ADAM19: variants seen among roughly 807,000 people sequenced by gnomAD.
The protein encoded by ADAM19 is disintegrin and metalloproteinase domain-containing protein 19.
A neutral mutation model predicts 114.7 loss-of-function variants in ADAM19; 65 were observed. That is an observed-to-expected ratio of 0.57 (90% confidence interval 0.46 to 0.70). The LOEUF (loss-of-function observed/expected upper bound fraction) is 0.70, where lower values mean the gene tolerates loss of function less well. ADAM19 is among the 30% of genes least tolerant of loss of function. The probability of loss-of-function intolerance (pLI) is 0.00; values close to 1 mark genes in which losing one functional copy is unlikely to be tolerated. For synonymous variants in ADAM19, 466 were observed against 460.5 expected, an observed-to-expected ratio of 1.01 and a Z score of -0.15; for missense variants, 1,063 against 1,204.7, an observed-to-expected ratio of 0.88 and a Z score of 1.74.
At chr5:157,571,607 G>A (rs1757829709) in intron 1 of ADAM19, among the ~76,000 whole-genome samples, 1 of 152,154 alleles carries the variant, frequency 6.6e-6, no homozygotes, top group Admixed American at 6.5e-5. Flanking sequence ...AGAGCAATAT[G>A]ATCTGTGTTA....
At chr5:157,564,928 T>G (rs996056738) in intron 2 of ADAM19, among the ~76,000 whole-genome samples, 1 of 152,170 alleles carries the variant, frequency 6.6e-6, no homozygotes, top group Non-Finnish European at 1.5e-5. Flanking sequence ...TGTATCACAG[T>G]GCCTGGCACA....
At chr5:157,506,677 T>C (rs1755751260) in intron 10 of ADAM19, among the ~76,000 whole-genome samples, 1 of 152,242 alleles carries the variant, frequency 6.6e-6, no homozygotes, top group South Asian at 2.1e-4. Flanking sequence ...TTCCTAACCA[T>C]GACTTTGAGA....
At chr5:157,527,014 A>C (rs991956644) in intron 5 of ADAM19, among the ~76,000 whole-genome samples, 1 of 152,168 alleles carries the variant, frequency 6.6e-6, no homozygotes, top group Non-Finnish European at 1.5e-5. Context: ...TTCCTATATT[A>C]GTCCGTTTTC....
intron 3 of ADAM19, among the ~76,000 whole-genome samples, chr5:157,561,539 C>G (rs1175337410): frequency 2.0e-5 from 3 of 152,188 alleles, no homozygotes; most frequent in Non-Finnish European, 4.4e-5. Context: ...GGGAAATGTA[C>G]AGAGGGAGAG....
At chr5:157,496,773 G>C (rs775731029) in intron 14 of ADAM19, 121 bp downstream of exon 14, 24 of 815,500 alleles carry the variant, frequency 2.9e-5, no homozygotes, top group Non-Finnish European at 4.2e-5. Flanking sequence ...TCAAGGGGAT[G>C]AAAGAGGTAG....
Position 157,491,677 on chromosome 5 carries a change from G to A in ADAM19, c.2033C>T (p.Pro678Leu), listed in dbSNP as rs1755165590. ...GTGGCCCGGTGTGTTGCAGAAGGGC[G>A]GGGCCCAGCCCGGCAGGCAGTGGCA... ...QNCHCLPGWAPPFCNTPGHGG... is the reference protein window; with the variant it reads ...QNCHCLPGWALPFCNTPGHGG... The change falls in exon 18 of 23, where the codon CCG (proline) becomes CTG (leucine). Residue 678 changes from proline (P) to leucine (L), a missense_variant. Physicochemically the swap from Pro to Leu is moderately conservative, Grantham distance 98 (BLOSUM62 -3). Around this residue, in one of 3 missense-constraint regions of ADAM19, gnomAD observed 424 missense variants for 445.5 expected, o/e 0.95. Coordinates refer to ENST00000257527, the MANE Select transcript of ADAM19 (RefSeq NM_033274.5). 5.7e-6 allele frequency: 9 copies of A among 1,578,960 alleles called. No homozygotes were observed. The highest frequency in any genetic ancestry group is 2.2e-5 in the East Asian group (1 of 44,488).
rs1252193734 is a variant in ADAM19 at position 157,499,596 on chromosome 5, C to T, written c.1375G>A (p.Gly459Ser). 6 of 1,613,384 alleles carry T rather than the reference C, an allele frequency of 3.7e-6. No individual in the cohort carries two copies. The highest frequency in any genetic ancestry group is 1.1e-5 in the South Asian group (1 of 90,972). ...TLRPGAECAH[G>S]SCCHQCKLLA... Reference sequence around the variant, plus strand: ...ACCTTACACTGGTGGCAGCAGGAGCCGTGAGCACACTCCGCCCCCGGCCTC... The same window carrying T: ...ACCTTACACTGGTGGCAGCAGGAGCTGTGAGCACACTCCGCCCCCGGCCTC... Residue 459 changes from glycine (G) to serine (S), a missense_variant, in exon 13 of 23, where the codon GGC becomes AGC. Physicochemically the swap from Gly to Ser is moderately conservative, Grantham distance 56. Coordinates refer to ENST00000257527, the MANE Select transcript of ADAM19 (RefSeq NM_033274.5).
intron 8 of ADAM19, among the ~76,000 whole-genome samples, chr5:157,510,216 T>C (rs1383728271): frequency 1.3e-5 from 2 of 152,254 alleles, no homozygotes; most frequent in Non-Finnish European, 1.5e-5. Context: ...GGCTCACACC[T>C]GTAATCCCAG....
chr5:157,522,184 C>G (rs1372864594), intron 5 of ADAM19, among the ~76,000 whole-genome samples: 3 of 152,208 alleles, frequency 2.0e-5, no homozygotes, highest in Non-Finnish European at 4.4e-5. Context: ...TTCCTAGGAT[C>G]CTTACAAATA....
chr5:157,515,284 T>C (rs530658930), intron 7 of ADAM19, among the ~76,000 whole-genome samples: 27 of 152,348 alleles, frequency 1.8e-4, no homozygotes, highest in African/African-American at 6.5e-4. Context: ...AGCATTTCCA[T>C]TCATTTAGTA....
intron 2 of ADAM19, chr5:157,569,059 AG>A (rs1757748837): frequency 6.6e-6 from 1 of 152,186 alleles, no homozygotes; most frequent in Admixed American, 6.6e-5. Context: ...GGGTATGAAT[AG>A]GTTGCAATAC....
intron 1 of ADAM19, among the ~76,000 whole-genome samples, chr5:157,572,624 C>G (rs1279686401): frequency 6.6e-6 from 1 of 152,210 alleles, no homozygotes; most frequent in Non-Finnish European, 1.5e-5. Flanking sequence ...ATTGGACCAA[C>G]ACCAATTCAT....
chr5:157,481,611 G>A, intron 22 of ADAM19, 180 bp downstream of exon 22: 1 of 1,541,130 alleles, frequency 6.5e-7, no homozygotes, highest in Non-Finnish European at 8.8e-7. Flanking sequence ...TTCACATGAA[G>A]CCAAAACTCC....
chr5:157,548,114 G>A (rs952308926), intron 3 of ADAM19, among the ~76,000 whole-genome samples: 2 of 152,018 alleles, frequency 1.3e-5, no homozygotes, highest in African/African-American at 2.4e-5. Context: ...CCTATTGTAT[G>A]AGCCAACTCT....
chr5:157,527,014 A>G (rs991956644), intron 5 of ADAM19, among the ~76,000 whole-genome samples: 26 of 152,168 alleles, frequency 1.7e-4, no homozygotes, highest in African/African-American at 6.3e-4. Context: ...TTCCTATATT[A>G]GTCCGTTTTC....
At chr5:157,565,717 A>AC (rs976310561) in intron 2 of ADAM19, among the ~76,000 whole-genome samples, 7 of 151,382 alleles carry the variant, frequency 4.6e-5, no homozygotes, top group African/African-American at 1.7e-4. Context: ...TCTCAAAAAA[A>AC]AAAAAAAATG....
At chr5:157,532,007 G>A (rs1284016465) in intron 4 of ADAM19, among the ~76,000 whole-genome samples, 1 of 152,168 alleles carries the variant, frequency 6.6e-6, no homozygotes, top group African/African-American at 2.4e-5. Flanking sequence ...TAAGTTTATG[G>A]TGCTTTGTTA....
chr5:157,518,652 G>A (rs1756170380), intron 7 of ADAM19, among the ~76,000 whole-genome samples, 171 bp downstream of exon 7: 2 of 152,252 alleles, frequency 1.3e-5, no homozygotes, highest in South Asian at 2.1e-4. Flanking sequence ...CCAAAGTGCT[G>A]GGATTACAGG....
rs1011350301 is a variant in ADAM19, at chr5:157,478,792, C to T, written c.*2157G>A. 6.1e-5 allele frequency: 60 copies of T among 985,694 alleles called. No individual in the cohort carries two copies. The highest frequency in any genetic ancestry group is 1.9e-4 in the African/African-American group (11 of 57,180). The allele number at this position is 985,694 out of a possible 1,614,324, so 61.1% of individuals were successfully genotyped here. On this transcript the variant is annotated 3_prime_UTR_variant, in exon 23 of 23. Coordinates refer to ENST00000257527, the MANE Select transcript of ADAM19 (RefSeq NM_033274.5). Reference sequence around the variant, plus strand: ...CAAAACAAAACAAAAAGCAAGAAAACGACAACCCAGGTCTCTTTCTGGTGT... The same window carrying T: ...CAAAACAAAACAAAAAGCAAGAAAATGACAACCCAGGTCTCTTTCTGGTGT...
Sources: allele counts gnomAD v4.1 joint callset (sites outside exome capture counted in the v4.1 genomes callset), GRCh38; gene constraint gnomAD v4.1.1; regional missense constraint gnomAD v4.1.1; transcripts MANE v1.5; gene names NCBI Gene and HGNC (gene_info 2026-07-23, HGNC 2026-07-21).